EHD3: variants seen among roughly 807,000 people sequenced by gnomAD.
EHD3 encodes EH domain containing 3, also known as EH domain-containing protein 3.
EHD3 carries 17 observed loss-of-function variants against 43.0 expected under a neutral mutation model. The observed-to-expected ratio is 0.40, with a 90% CI of 0.27 to 0.59. The LOEUF (loss-of-function observed/expected upper bound fraction) is 0.59. Among genes scored for constraint, EHD3 ranks in the 20% least tolerant of loss-of-function variants. The pLI is 0.49. For missense variants in EHD3, 594 were observed against 705.6 expected (o/e 0.84, Z 1.79); for synonymous variants, 313 against 289.5 (o/e 1.08, Z -0.82).
At chr2:31,243,039 G>C (rs1683450849) in intron 1 of EHD3, among the ~76,000 whole-genome samples, 2 of 152,116 alleles carry the variant, frequency 1.3e-5, no homozygotes, top group Non-Finnish European at 2.9e-5. Context: ...CACTTTGAGA[G>C]GCCAAGGCAG....
intron 3 of EHD3, 23 bp downstream of exon 3, chr2:31,249,491 G>T: frequency 6.2e-7 from 1 of 1,608,688 alleles, no homozygotes; most frequent in African/African-American, 1.3e-5. Flanking sequence ...CCTGAGGGGT[G>T]TTGGCTGTGG....
chr2:31,262,998 G>T (rs1306851592), intron 5 of EHD3, among the ~76,000 whole-genome samples: 1 of 152,174 alleles, frequency 6.6e-6, no homozygotes, highest in Non-Finnish European at 1.5e-5. Context: ...CTCTTGTTTT[G>T]ATCTTTAGCT....
At chr2:31,245,357 T>G (rs1349009754) in intron 2 of EHD3, among the ~76,000 whole-genome samples, 3 of 151,872 alleles carry the variant, frequency 2.0e-5, no homozygotes, top group African/African-American at 7.3e-5. Flanking sequence ...CAGAAAACAC[T>G]TCGTGCCTGG....
At position 31,266,055 on chromosome 2, in the gene EHD3, A is replaced by G; in HGVS notation, c.1081-122A>G. The G allele has an allele frequency of 7.9e-7, 1 of 1,269,830 alleles. No homozygotes were observed. Among genetic ancestry groups the G allele is most frequent in the African/African-American group, 1.5e-5 (1 of 66,648 alleles). The allele number at this position is 1,269,830 out of a possible 1,614,324, so 78.7% of individuals were successfully genotyped here. On this transcript the variant is annotated intron_variant, in intron 5 of 5. Transcript: ENST00000322054. This position sits in a 1 kb window ranked among gnomAD's most constrained non-coding sequence, Gnocchi z 5.1. Reference sequence around the variant, plus strand: ...TCCATCAGCTGAGCCTCTAGGTCACAGGTCTTTCATTGTAGAAAGGGATCA... The same window carrying G: ...TCCATCAGCTGAGCCTCTAGGTCACGGGTCTTTCATTGTAGAAAGGGATCA...
intron 5 of EHD3, 52 bp downstream of exon 5, chr2:31,261,765 T>G: frequency 6.3e-7 from 1 of 1,593,322 alleles, no homozygotes; most frequent in Non-Finnish European, 8.6e-7. Context: ...GAGAGCTGGC[T>G]GAGCAGCCTG....
chr2:31,247,977 C>T (rs1039136151), intron 2 of EHD3, among the ~76,000 whole-genome samples: 2 of 152,310 alleles, frequency 1.3e-5, no homozygotes, highest in African/African-American at 4.8e-5. Flanking sequence ...TCCAGGAGCA[C>T]GCAGCCGCTG....
Position 31,260,378 on chromosome 2 carries a change from T to C in EHD3, c.503-132T>C, listed in dbSNP as rs1683828553. On this transcript the variant is annotated intron_variant, in intron 3 of 5. Transcript: ENST00000322054. This position sits in a 1 kb window ranked among gnomAD's most constrained non-coding sequence, Gnocchi z 4.6. ...TTTGCTGGAGTCCAAACAGTTAAAA[T>C]GTGGAGGAGCCAGGATTTAAACTTA... 1.1e-6 allele frequency: 1 copy of C among 907,432 alleles called. No homozygotes were observed. Among genetic ancestry groups the C allele is most frequent in the Non-Finnish European group, 1.6e-6 (1 of 631,252 alleles). The allele number at this position is 907,432 out of a possible 1,614,324, so 56.2% of individuals were successfully genotyped here.
At position 31,263,136 on chromosome 2, in the gene EHD3, G is replaced by T. The variant is rs570128232; in HGVS notation, c.1080+1423G>T. Among the ~76,000 whole-genome samples, 15 of 152,308 alleles carry T rather than the reference G, an allele frequency of 9.8e-5. No individual in the cohort carries two copies. The South Asian group carries it at 3.1e-3, about 32-fold the overall frequency. ...TATACATTCCAAGTATTTGGAATTT[G>T]TTCATGTGTCCATTCACTCATATAA... On this transcript the variant is annotated intron_variant, in intron 5 of 5. Coordinates refer to ENST00000322054, the MANE Select transcript of EHD3 (RefSeq NM_014600.3).
At position 31,266,294 on chromosome 2, in the gene EHD3, G is replaced by A; in HGVS notation, c.1198G>A (p.Glu400Lys). The A allele has an allele frequency of 6.2e-7, 1 of 1,614,214 alleles. No homozygotes were observed. The highest frequency in any genetic ancestry group is 8.5e-7 in the Non-Finnish European group (1 of 1,180,036). ...CCAGCTCATGGTGCTAGTGCGCCAG[G>A]AGGAGTCACAGCGGCCCATCCAGAT... ...IAQLMVLVRQ[E>K]ESQRPIQMVK... is the part of the protein sequence containing the mutation. The change falls in exon 6 of 6, where the codon GAG (glutamate) becomes AAG (lysine). Residue 400 changes from glutamate to lysine, a missense_variant. This residue lies in a region of EHD3 where 322 missense variants were observed against 348.0 expected (regional missense o/e 0.93). Coordinates refer to ENST00000322054, the MANE Select transcript of EHD3 (RefSeq NM_014600.3). This position sits in a 1 kb window ranked among gnomAD's most constrained non-coding sequence, Gnocchi z 5.1.
intron 2 of EHD3, among the ~76,000 whole-genome samples, chr2:31,247,703 C>T (rs1683553185): frequency 6.6e-6 from 1 of 152,140 alleles, no homozygotes; most frequent in African/African-American, 2.4e-5. Context: ...TGATCCAGTC[C>T]AGTGGGCACA....
At chr2:31,252,418 C>G (rs1052744488) in intron 3 of EHD3, among the ~76,000 whole-genome samples, 1 of 152,218 alleles carries the variant, frequency 6.6e-6, no homozygotes, top group African/African-American at 2.4e-5. Context: ...CTGCCTTCCT[C>G]AGTTCCTATC....
chr2:31,239,961 GTA>G (rs1477951628), intron 1 of EHD3, among the ~76,000 whole-genome samples: 3 of 152,152 alleles, frequency 2.0e-5, no homozygotes, highest in African/African-American at 7.2e-5. Context: ...ACGGTGCCGG[GTA>G]GTGCCCTGGG....
chr2:31,257,224 TACCC>T (rs1453654133), intron 3 of EHD3, among the ~76,000 whole-genome samples: 1 of 152,184 alleles, frequency 6.6e-6, no homozygotes, highest in East Asian at 1.9e-4. Context: ...GGCCCCTCCC[TACCC>T]ACAGCTCTGA....
intron 3 of EHD3, 77 bp downstream of exon 3, chr2:31,249,545 G>A (rs1683594187): frequency 7.5e-7 from 1 of 1,327,674 alleles, no homozygotes; most frequent in Non-Finnish European, 1.1e-6. Context: ...TACCAGAAGA[G>A]AAGCACCCAG....
Position 31,261,564 on chromosome 2 carries a change from A to G in EHD3, c.931A>G (p.Ile311Val). 6.2e-7 allele frequency: 1 copy of G among 1,614,208 alleles called. No homozygotes were observed. Among genetic ancestry groups the G allele is most frequent in the South Asian group, 1.1e-5 (1 of 91,086 alleles). Reference protein sequence around the residue: ...ARLAKVHAYIISSLKKEMPSV... With the variant: ...ARLAKVHAYIVSSLKKEMPSV... ...TGTTTGTCAGGTCCACGCCTACATCATCAGCTCTCTGAAGAAGGAGATGCC... is the reference window on the plus strand; with the variant it reads ...TGTTTGTCAGGTCCACGCCTACATCGTCAGCTCTCTGAAGAAGGAGATGCC... The change falls in exon 5 of 6, where the codon ATC (isoleucine) becomes GTC (valine). Residue 311 changes from isoleucine (I) to valine (V), a missense_variant. Ile to Val is a conservative substitution (Grantham distance 29). Coordinates refer to ENST00000322054, the MANE Select transcript of EHD3 (RefSeq NM_014600.3).
intron 5 of EHD3, among the ~76,000 whole-genome samples, chr2:31,263,484 C>G (rs1024418742): frequency 2.0e-5 from 3 of 152,136 alleles, no homozygotes; most frequent in African/African-American, 7.2e-5. Flanking sequence ...CCACCATGCC[C>G]CCTAGTTGAT....
chr2:31,244,130 A>T, intron 1 of EHD3, 144 bp from the exon 2 acceptor site: 1 of 642,490 alleles, frequency 1.6e-6, no homozygotes, highest in East Asian at 2.8e-5. Flanking sequence ...CTTGTTATCC[A>T]GCAGGCATTT....
chr2:31,258,992 G>C (rs1462626709), intron 3 of EHD3, among the ~76,000 whole-genome samples: 1 of 152,212 alleles, frequency 6.6e-6, no homozygotes, highest in African/African-American at 2.4e-5. Flanking sequence ...CAAGGCAGTT[G>C]CCTGATGATC....
At chr2:31,263,563 A>G (rs988761313) in intron 5 of EHD3, among the ~76,000 whole-genome samples, 2 of 152,112 alleles carry the variant, frequency 1.3e-5, no homozygotes, top group Admixed American at 1.3e-4. Flanking sequence ...GACAGGAGGA[A>G]TGAGAGGTGG....
Sources: allele counts gnomAD v4.1 joint callset (sites outside exome capture counted in the v4.1 genomes callset), GRCh38; gene constraint gnomAD v4.1.1; regional missense constraint gnomAD v4.1.1; non-coding constraint Gnocchi (gnomAD v3.1); transcripts MANE v1.5; gene names NCBI Gene and HGNC (gene_info 2026-07-23, HGNC 2026-07-21).